Variants in GLIS1 observed in about 807,000 individuals in gnomAD.
GLIS1 encodes zinc finger protein GLIS1.
Under a neutral mutation model 63.8 loss-of-function variants are expected in GLIS1, and 24 were observed. The observed-to-expected ratio is 0.38, with a 90% CI of 0.27 to 0.53. The LOEUF (loss-of-function observed/expected upper bound fraction) is 0.53, where lower values mean the gene tolerates loss of function less well. Ranked by LOEUF, GLIS1 falls within the 20% of genes least tolerant of loss-of-function variation. The pLI is 0.85. For synonymous variants in GLIS1, 450 were observed against 482.5 expected (o/e 0.93, Z 0.88); for missense variants, 1,036 against 1,074.1 (o/e 0.96, Z 0.50).
chr1:53,520,605 C>G, intron 7 of GLIS1, 29 bp downstream of exon 7: 1 of 1,587,424 alleles, frequency 6.3e-7, no homozygotes, highest in Non-Finnish European at 8.6e-7. Flanking sequence ...CTGGGCTACG[C>G]CCCTGGCCCT....
chr1:53,512,565 C>T (rs1040833577), intron 8 of GLIS1, among the ~76,000 whole-genome samples: 2 of 152,136 alleles, frequency 1.3e-5, no homozygotes, highest in Non-Finnish European at 2.9e-5. Context: ...AAGGCCCTTT[C>T]CCCACTCTCT....
chr1:53,627,215 T>TGTG (rs1645604906), intron 2 of GLIS1, among the ~76,000 whole-genome samples: 1 of 151,316 alleles, frequency 6.6e-6, no homozygotes, highest in African/African-American at 2.4e-5. Flanking sequence ...GAGGGGGAGG[T>TGTG]GTGGGCGGCC....
chr1:53,711,934 C>T (rs1220898396), intron 2 of GLIS1, among the ~76,000 whole-genome samples: 1 of 152,196 alleles, frequency 6.6e-6, no homozygotes, highest in East Asian at 1.9e-4. Context: ...CAGGCCTTCG[C>T]TAGCATGGGA....
intron 2 of GLIS1, among the ~76,000 whole-genome samples, chr1:53,734,883 G>A (rs953129347): frequency 6.6e-6 from 1 of 152,188 alleles, no homozygotes; most frequent in Non-Finnish European, 1.5e-5. Context: ...CTGGCAATTT[G>A]GCTTTTCCAG....
intron 2 of GLIS1, among the ~76,000 whole-genome samples, chr1:53,693,574 G>A (rs1020105946): frequency 2.0e-5 from 3 of 152,046 alleles, no homozygotes; most frequent in East Asian, 1.9e-4. Flanking sequence ...TCTCACCCCC[G>A]CCCACAGATC....
At chr1:53,663,631 T>C (rs1646054685) in intron 2 of GLIS1, among the ~76,000 whole-genome samples, 1 of 152,044 alleles carries the variant, frequency 6.6e-6, no homozygotes, top group Non-Finnish European at 1.5e-5. Context: ...TCCTGTGGAG[T>C]GAGCCATCCC....
intron 4 of GLIS1, among the ~76,000 whole-genome samples, chr1:53,565,275 T>A (rs983121368): frequency 1.3e-5 from 2 of 152,030 alleles, no homozygotes; most frequent in Non-Finnish European, 2.9e-5. Flanking sequence ...TTGCAAATGT[T>A]TATGCTAGAA....
chr1:53,551,808 G>T (rs765313552), intron 4 of GLIS1, among the ~76,000 whole-genome samples: 1 of 152,056 alleles, frequency 6.6e-6, no homozygotes, highest in East Asian at 1.9e-4. Flanking sequence ...CGCCTTCCCT[G>T]GATGTACCCG....
At chr1:53,687,568 G>A (rs1014556783) in intron 2 of GLIS1, among the ~76,000 whole-genome samples, 4 of 152,046 alleles carry the variant, frequency 2.6e-5, no homozygotes, top group African/African-American at 7.2e-5. Context: ...CCCTGCTGTC[G>A]GGTGGTTCTG....
At chr1:53,593,033 C>G (rs1019339343) in intron 4 of GLIS1, among the ~76,000 whole-genome samples, 9 of 152,266 alleles carry the variant, frequency 5.9e-5, no homozygotes, top group African/African-American at 1.9e-4. Flanking sequence ...CACTATGCCC[C>G]TTCCCAGACC....
chr1:53,738,294 G>T (rs1169322240), intron 1 of GLIS1, among the ~76,000 whole-genome samples, 188 bp from the exon 2 acceptor site: 1 of 152,192 alleles, frequency 6.6e-6, no homozygotes, highest in African/African-American at 2.4e-5. Flanking sequence ...CCCTCGCTCA[G>T]GAGCGGTTCG....
chr1:53,591,476 C>A (rs561526178), intron 4 of GLIS1, among the ~76,000 whole-genome samples: 1 of 152,332 alleles, frequency 6.6e-6, no homozygotes, highest in Non-Finnish European at 1.5e-5. Context: ...AGGCTCGAGT[C>A]CCATTCCAAT....
At position 53,597,199 on chromosome 1, in the gene GLIS1, A is replaced by C. The variant is rs1163369640; in HGVS notation, c.438-2209T>G. On this transcript the variant is annotated intron_variant, in intron 3 of 10. Coordinates refer to ENST00000628545, the MANE Select transcript of GLIS1 (RefSeq NM_001367484.1). ...ACTAAAAAAAAAAAAAAAAAAAAAA[A>C]AAAAAAAAAAAACACTACAAAAAAT... Among the ~76,000 whole-genome samples the C allele has an allele frequency of 3.2e-4, 48 of 148,142 alleles. 1 individual carries two copies. Among genetic ancestry groups the C allele is most frequent in the African/African-American group, 9.7e-4 (39 of 40,274 alleles).
chr1:53,556,490 G>T (rs187244126), intron 4 of GLIS1, among the ~76,000 whole-genome samples: 6,429 of 132,708 alleles, frequency 0.048, 173 homozygotes, highest in South Asian at 0.11. Context: ...CAGGTGTACT[G>T]CAGGTGTGTG....
intron 2 of GLIS1, among the ~76,000 whole-genome samples, chr1:53,703,417 G>A (rs561686909): frequency 1.9e-4 from 29 of 152,112 alleles, no homozygotes; most frequent in South Asian, 1.2e-3. Context: ...CAGGAGGATC[G>A]TTTGAGGCCA....
chr1:53,704,933 G>C (rs994395164), intron 2 of GLIS1, among the ~76,000 whole-genome samples: 5 of 152,214 alleles, frequency 3.3e-5, no homozygotes, highest in Non-Finnish European at 5.9e-5. Flanking sequence ...CCTCATGGGA[G>C]GCAGAAAAGA....
rs149238457 is a variant in GLIS1 at position 53,648,123 on chromosome 1, G to A, written c.260-47845C>T. ...TAGGAGGTGGAGGCTGCAGTGAGCC[G>A]TGATTGCGCCACTGCATTCCAGCCT... On this transcript the variant is annotated intron_variant, in intron 2 of 10. Coordinates refer to ENST00000628545, the MANE Select transcript of GLIS1 (RefSeq NM_001367484.1). 6.2e-3 allele frequency among the ~76,000 whole-genome samples: 942 copies of A among 152,126 alleles called. 13 individuals carry two copies. The highest frequency in any genetic ancestry group is 0.022 in the African/African-American group (901 of 41,466).
chr1:53,587,577 A>C (rs1219569023), intron 4 of GLIS1, among the ~76,000 whole-genome samples: 1 of 152,226 alleles, frequency 6.6e-6, no homozygotes, highest in African/African-American at 2.4e-5. Flanking sequence ...TATTCTAATG[A>C]GAGTGAAATG....
At chr1:53,700,501 G>A (rs967776139) in intron 2 of GLIS1, among the ~76,000 whole-genome samples, 2 of 151,618 alleles carry the variant, frequency 1.3e-5, no homozygotes, top group East Asian at 1.9e-4. Context: ...GCCTCTGCTC[G>A]TGTAAATGCA....
Sources: allele counts gnomAD v4.1 joint callset (sites outside exome capture counted in the v4.1 genomes callset), GRCh38; gene constraint gnomAD v4.1.1; transcripts MANE v1.5; gene names NCBI Gene and HGNC (gene_info 2026-07-23, HGNC 2026-07-21).